The following EXD2 variants were observed in gnomAD, a reference collection of about 807,000 sequenced individuals.
The protein encoded by EXD2 is exonuclease 3'-5' domain-containing protein 2.
In EXD2, 40 loss-of-function variants were observed where a neutral mutation model predicts 62.5. The observed-to-expected ratio is 0.64, with a 90% CI of 0.50 to 0.83. The LOEUF is 0.83. Among genes scored for constraint, EXD2 ranks in the 40% least tolerant of loss-of-function variants. The pLI, the probability that EXD2 is intolerant of heterozygous loss-of-function variation, is 0.00. For synonymous variants in EXD2, 239 were observed against 291.9 expected, an observed-to-expected ratio of 0.82 and a Z score of 1.85; for missense variants, 671 against 761.8, an observed-to-expected ratio of 0.88 and a Z score of 1.40.
rs184817097 is a variant in EXD2 at position 69,217,175 on chromosome 14, C to T, written c.333+7372C>T. Among the ~76,000 whole-genome samples, 84 of 152,304 alleles carry T rather than the reference C, an allele frequency of 5.5e-4. No homozygotes were observed. The East Asian group carries it at 0.011, about 20-fold the overall frequency. ...TCAATCAGTCCTCCTGCCTTACCCT[C>T]CCAAGTAGCTAGGACTATAGGCACA... On this transcript the variant is annotated intron_variant, in intron 3 of 9. Transcript: ENST00000685843.
chr14:69,203,148 TC>T (rs35571296), intron 1 of EXD2, among the ~76,000 whole-genome samples: 88 of 152,236 alleles, frequency 5.8e-4, no homozygotes, highest in African/African-American at 2.0e-3. Context: ...AGTCTTGACT[TC>T]CCAGGCTCAG....
chr14:69,205,375 C>T (rs555582110), intron 2 of EXD2, among the ~76,000 whole-genome samples: 1 of 152,246 alleles, frequency 6.6e-6, no homozygotes, highest in African/African-American at 2.4e-5. Flanking sequence ...CCCTCTTTAT[C>T]TGTCTACTAC....
Position 69,200,180 on chromosome 14 carries a change from G to A in EXD2, c.-131-3737G>A, listed in dbSNP as rs192275409. Among the ~76,000 whole-genome samples the A allele has an allele frequency of 1.8e-4, 27 of 152,220 alleles. No individual in the cohort carries two copies. In the East Asian group the frequency reaches 4.4e-3, roughly 25 times the overall value. ...TTGTTATACAGCACATGACTATATT[G>A]AACCCAGTATATTCCAAGCATTATT... is the stretch of plus-strand genomic sequence containing the variant. On this transcript the variant is annotated intron_variant, in intron 1 of 9. Coordinates refer to ENST00000685843, the MANE Select transcript of EXD2 (RefSeq NM_001193360.2).
At chr14:69,198,691 T>A (rs957075113) in intron 1 of EXD2, among the ~76,000 whole-genome samples, 2 of 152,248 alleles carry the variant, frequency 1.3e-5, no homozygotes, top group African/African-American at 2.4e-5. Flanking sequence ...CAAGGTGAAC[T>A]GTAGTAATGG....
chr14:69,209,830 A>G lies in EXD2; in HGVS notation c.333+27A>G, dbSNP rs1177107564. 7 of 1,420,846 alleles carry G rather than the reference A, an allele frequency of 4.9e-6. No individual in the cohort carries two copies. The East Asian group carries it at 1.3e-4, about 26-fold the overall frequency. The allele number at this position is 1,420,846 out of a possible 1,614,324, so 88.0% of individuals were successfully genotyped here. A position where few individuals can be genotyped will look rare whatever the true frequency, so the allele number is the denominator to read the frequency against. ...TAAGTTAAAAAGCAAAAGTTAAAAAAAAAAAAAAAAAACAACTTCTGCTTT... is the reference window on the plus strand; with the variant it reads ...TAAGTTAAAAAGCAAAAGTTAAAAAGAAAAAAAAAAAACAACTTCTGCTTT... On this transcript the variant is annotated intron_variant, in intron 3 of 9. Transcript: ENST00000685843.
chr14:69,214,124 C>T (rs1276608460), intron 3 of EXD2: 2 of 152,080 alleles, frequency 1.3e-5, no homozygotes, highest in Non-Finnish European at 1.5e-5. Flanking sequence ...TGCCTTCTGG[C>T]TTCCGTTATT....
rs1302125052 is a variant in EXD2 at position 69,206,462 on chromosome 14, T to C, written c.-48+2462T>C. On this transcript the variant is annotated intron_variant, in intron 2 of 9. Transcript: ENST00000685843. ...TCATCTCCCACCCACCCACTTTTTT[T>C]TTTTTTTTTTTTTTTTTTTTTTTTG... 4.4e-4 allele frequency among the ~76,000 whole-genome samples: 22 copies of C among 49,476 alleles called. 1 individual carries two copies. The highest frequency in any genetic ancestry group is 1.2e-3 in the African/African-American group (18 of 15,122). 32.5% of individuals were successfully genotyped at this position (49,476 alleles called of 152,430 possible).
At position 69,206,455 on chromosome 14, in the gene EXD2, C is replaced by CCTT. The variant is rs60787528; in HGVS notation, c.-48+2455_-48+2456insCTT. ...CCCAGCTTCATCTCCCACCCACCCA[C>CCTT]TTTTTTTTTTTTTTTTTTTTTTTTT... On this transcript the variant is annotated intron_variant, in intron 2 of 9. Transcript: ENST00000685843. Among the ~76,000 whole-genome samples the CCTT allele has an allele frequency of 1.3e-3, 122 of 94,642 alleles. 35 individuals carry two copies. The highest frequency in any genetic ancestry group is 5.8e-3 in the Middle Eastern group (1 of 172). 62.1% of individuals were successfully genotyped at this position (94,642 alleles called of 152,430 possible).
rs1566836909 is a variant in EXD2, at chr14:69,230,453, T to C, written c.591-19T>C. ...TCCTTTGCCCGTTTTTGATGCATGG[T>C]TTTCTTTGTTTCTTTTAGAAACAAT... On this transcript the variant is annotated intron_variant, in intron 4 of 9. Transcript: ENST00000685843. 1.9e-6 allele frequency: 3 copies of C among 1,570,836 alleles called. No homozygotes were observed. Among genetic ancestry groups the C allele is most frequent in the Admixed American group, 1.9e-5 (1 of 53,238 alleles).
intron 1 of EXD2, among the ~76,000 whole-genome samples, chr14:69,192,417 C>T (rs906247616): frequency 6.6e-6 from 1 of 152,110 alleles, no homozygotes; most frequent in Non-Finnish European, 1.5e-5. Flanking sequence ...TCAAGTTGAG[C>T]TTGTTTTAAA....
chr14:69,208,696 C>T (rs1348060528), intron 2 of EXD2: 3 of 152,272 alleles, frequency 2.0e-5, no homozygotes, highest in South Asian at 2.1e-4. Context: ...ACCTGCCTGG[C>T]GCTGTGGACA....
chr14:69,199,756 C>T (rs1385058252), intron 1 of EXD2, among the ~76,000 whole-genome samples: 12 of 152,182 alleles, frequency 7.9e-5, no homozygotes. Context: ...GGGGCAATAA[C>T]AGGCATGGAG....
intron 8 of EXD2, 113 bp downstream of exon 8, chr14:69,236,655 G>T: frequency 7.1e-7 from 1 of 1,403,168 alleles, no homozygotes; most frequent in Non-Finnish European, 9.9e-7. Context: ...TGGCTGAGAG[G>T]CTTGTTCCTA....
chr14:69,202,097 C>A (rs2042427449), intron 1 of EXD2, among the ~76,000 whole-genome samples: 1 of 152,074 alleles, frequency 6.6e-6, no homozygotes, highest in South Asian at 2.1e-4. Flanking sequence ...TCAAGACCAG[C>A]CTGGGCAACC....
At chr14:69,228,681 T>C (rs1191952370) in intron 3 of EXD2, 135 bp from the exon 4 acceptor site, 1 of 1,167,732 alleles carries the variant, frequency 8.6e-7, no homozygotes, top group Admixed American at 2.5e-5. Flanking sequence ...TATCTGTAGA[T>C]GCAAACCAAA....
Position 69,241,958 on chromosome 14 carries a change from G to A in EXD2, c.*858G>A. ...GTAATGTTATCTTTTATCAGAATCA[G>A]TATCAGTTCCCCTGTATTCTGTGCT... On this transcript the variant is annotated 3_prime_UTR_variant, in exon 10 of 10. Transcript: ENST00000685843. The A allele has an allele frequency of 2.5e-6, 1 of 398,588 alleles. No individual in the cohort carries two copies. The highest frequency in any genetic ancestry group is 4.4e-6 in the Non-Finnish European group (1 of 226,050). The allele number at this position is 398,588 out of a possible 1,614,324, so 24.7% of individuals were successfully genotyped here. A position where few individuals can be genotyped will look rare whatever the true frequency, so the allele number is the denominator to read the frequency against.
intron 2 of EXD2, among the ~76,000 whole-genome samples, chr14:69,207,872 C>T (rs941400313): frequency 2.6e-5 from 4 of 151,950 alleles, no homozygotes; most frequent in Admixed American, 6.6e-5. Flanking sequence ...TCTCCCTGGC[C>T]CTGAGACCAA....
chr14:69,199,703 A>T (rs2042324945), intron 1 of EXD2, among the ~76,000 whole-genome samples: 2 of 152,156 alleles, frequency 1.3e-5, no homozygotes, highest in Admixed American at 1.3e-4. Flanking sequence ...CATCAATATC[A>T]CTGTCTTCCA....
At chr14:69,221,480 A>G (rs553403779) in intron 3 of EXD2, among the ~76,000 whole-genome samples, 1 of 152,194 alleles carries the variant, frequency 6.6e-6, no homozygotes, top group Non-Finnish European at 1.5e-5. Flanking sequence ...AATTATTGGC[A>G]TAAACCAAGT....
Sources: gnomAD v4.1 joint callset for allele counts (sites outside exome capture counted in the v4.1 genomes callset) on GRCh38, gnomAD v4.1.1 for gene constraint, MANE v1.5 for transcripts, NCBI Gene and HGNC (gene_info 2026-07-23, HGNC 2026-07-21) for gene names.